The following TSPAN5 variants were observed in gnomAD, a reference collection of about 807,000 sequenced individuals.
The protein encoded by TSPAN5 is tetraspanin 5.
In TSPAN5, 10 loss-of-function variants were observed where a neutral mutation model predicts 37.1. That is an observed-to-expected ratio of 0.27 (90% CI 0.17 to 0.46). The LOEUF is 0.46. Ranked by LOEUF, TSPAN5 falls within the 20% of genes least tolerant of loss-of-function variation. The pLI is 1.00. For missense variants in TSPAN5, 195 were observed against 326.6 expected (o/e 0.60, Z 3.11); for synonymous variants, 110 against 118.9 (o/e 0.93, Z 0.48).
intron 5 of TSPAN5, 22 bp from the exon 6 acceptor site, chr4:98,476,482 A>G: frequency 4.3e-6 from 7 of 1,613,762 alleles, no homozygotes; most frequent in Non-Finnish European, 5.9e-6. Context: ...AGGAAAGAGA[A>G]AAGTGAAATT....
At chr4:98,520,077 G>A (rs186465641) in intron 1 of TSPAN5, among the ~76,000 whole-genome samples, 1 of 152,300 alleles carries the variant, frequency 6.6e-6, no homozygotes, top group East Asian at 1.9e-4. Flanking sequence ...TAGTCTGGAG[G>A]AAAGAGGATC....
chr4:98,647,780 T>C (rs1201822037), intron 1 of TSPAN5, among the ~76,000 whole-genome samples: 1 of 152,040 alleles, frequency 6.6e-6, no homozygotes, highest in Non-Finnish European at 1.5e-5. Context: ...TATGTACATA[T>C]GGATAATATC....
chr4:98,484,338 G>A (rs1752913727), intron 3 of TSPAN5: 1 of 421,380 alleles, frequency 2.4e-6, no homozygotes, highest in Non-Finnish European at 4.6e-6. Flanking sequence ...TCTCCTAGGG[G>A]AATCAGATCT....
At chr4:98,585,629 T>C (rs1579010309) in intron 1 of TSPAN5, among the ~76,000 whole-genome samples, 1 of 152,200 alleles carries the variant, frequency 6.6e-6, no homozygotes, top group East Asian at 1.9e-4. Context: ...ACTCTCTATG[T>C]CCATGTGTAT....
At position 98,590,688 on chromosome 4, in the gene TSPAN5, C is replaced by T. The variant is rs575489602; in HGVS notation, c.81+67458G>A. The stretch of plus-strand genomic sequence containing the variant: ...TTGCATCACTGCACTCCAGCCTGGG[C>T]GACAGAGCGAGACTGTCTCAAAAAA... On this transcript the variant is annotated intron_variant, in intron 1 of 7. Transcript: ENST00000305798. Among the ~76,000 whole-genome samples, 595 of 144,140 alleles carry T rather than the reference C, an allele frequency of 4.1e-3. 5 individuals carry two copies. The highest frequency in any genetic ancestry group is 0.012 in the African/African-American group (463 of 38,292). The allele number at this position is 144,140 out of a possible 152,430, so 94.6% of individuals were successfully genotyped here.
intron 1 of TSPAN5, among the ~76,000 whole-genome samples, chr4:98,585,891 C>T (rs556205910): frequency 1.3e-5 from 2 of 152,278 alleles, no homozygotes; most frequent in African/African-American, 4.8e-5. Context: ...CCTTGTTCTC[C>T]CAGAACTTGC....
intron 2 of TSPAN5, among the ~76,000 whole-genome samples, 164 bp from the exon 3 acceptor site, chr4:98,487,048 G>C (rs1255039114): frequency 6.8e-6 from 1 of 147,978 alleles, no homozygotes; most frequent in Non-Finnish European, 1.5e-5. Context: ...GAAAGAGAGA[G>C]AGAAAGAGAA....
chr4:98,634,817 A>G (rs950370969), intron 1 of TSPAN5, among the ~76,000 whole-genome samples: 4 of 152,242 alleles, frequency 2.6e-5, no homozygotes, highest in Non-Finnish European at 5.9e-5. Context: ...GAAGATAATG[A>G]AAGGGATTAT....
intron 1 of TSPAN5, among the ~76,000 whole-genome samples, chr4:98,653,571 G>C (rs1348555649): frequency 2.0e-5 from 3 of 152,032 alleles, no homozygotes; most frequent in Non-Finnish European, 1.5e-5. Context: ...CAGATCTTAA[G>C]GGTATTATCA....
intron 1 of TSPAN5, among the ~76,000 whole-genome samples, chr4:98,575,413 C>T (rs937961213): frequency 6.7e-6 from 1 of 148,558 alleles, no homozygotes; most frequent in Non-Finnish European, 1.5e-5. Context: ...TTCAATGAGA[C>T]AATATAACTC....
chr4:98,622,005 C>T (rs1344749882), intron 1 of TSPAN5, among the ~76,000 whole-genome samples: 2 of 152,116 alleles, frequency 1.3e-5, no homozygotes, highest in Non-Finnish European at 2.9e-5. Context: ...AATTTGTTTA[C>T]CCATTCATCA....
intron 2 of TSPAN5, among the ~76,000 whole-genome samples, chr4:98,503,279 G>T (rs917907001): frequency 2.6e-5 from 4 of 152,018 alleles, no homozygotes; most frequent in Non-Finnish European, 4.4e-5. Context: ...GAGAAAGGAC[G>T]CAATCCAGCC....
intron 1 of TSPAN5, among the ~76,000 whole-genome samples, chr4:98,566,827 G>A (rs1236041144): frequency 6.6e-6 from 1 of 152,204 alleles, no homozygotes; most frequent in Non-Finnish European, 1.5e-5. Context: ...CCTTGGCAGG[G>A]GCACCGCACG....
chr4:98,630,509 C>T (rs947841070), intron 1 of TSPAN5, among the ~76,000 whole-genome samples: 2 of 152,122 alleles, frequency 1.3e-5, no homozygotes, highest in African/African-American at 4.8e-5. Context: ...TATTGTCATC[C>T]GAGGCACGCA....
At chr4:98,594,214 G>A (rs1191671833) in intron 1 of TSPAN5, among the ~76,000 whole-genome samples, 1 of 133,582 alleles carries the variant, frequency 7.5e-6, no homozygotes, top group Non-Finnish European at 1.5e-5. Context: ...GTGAATGGGA[G>A]TTCACCTATG....
intron 1 of TSPAN5, among the ~76,000 whole-genome samples, chr4:98,643,603 A>C (rs961217435): frequency 3.3e-5 from 5 of 152,198 alleles, no homozygotes; most frequent in Non-Finnish European, 7.3e-5. Flanking sequence ...CATGACAAGT[A>C]AAACACCGTT....
intron 1 of TSPAN5, among the ~76,000 whole-genome samples, chr4:98,656,897 C>T (rs555469083): frequency 6.6e-6 from 1 of 152,294 alleles, no homozygotes; most frequent in South Asian, 2.1e-4. Context: ...TATATACGTA[C>T]AGCAAACAGC....
At chr4:98,579,871 T>C (rs1272504725) in intron 1 of TSPAN5, among the ~76,000 whole-genome samples, 9 of 152,254 alleles carry the variant, frequency 5.9e-5, no homozygotes. Context: ...TGAAAATTTA[T>C]GTGAAATTTT....
intron 1 of TSPAN5, among the ~76,000 whole-genome samples, chr4:98,646,272 G>C (rs1268460629): frequency 6.6e-6 from 1 of 152,136 alleles, no homozygotes; most frequent in East Asian, 1.9e-4. Context: ...CAAGTTATCA[G>C]GATCACTGAC....
Sources: gnomAD v4.1 joint callset for allele counts (sites outside exome capture counted in the v4.1 genomes callset) on GRCh38, gnomAD v4.1.1 for gene constraint, MANE v1.5 for transcripts, NCBI Gene and HGNC (gene_info 2026-07-23, HGNC 2026-07-21) for gene names.